Variants in PIGN observed in about 807,000 individuals in gnomAD.
PIGN encodes phosphatidylinositol glycan anchor biosynthesis class N.
In PIGN, 117 loss-of-function variants were observed where a neutral mutation model predicts 125.4. The ratio of observed to expected loss-of-function variants is 0.93; its 90% CI spans 0.80 to 1.09. The LOEUF (loss-of-function observed/expected upper bound fraction) is 1.09. Ranked by LOEUF, PIGN falls within the 50% of genes least tolerant of loss-of-function variation. The probability of loss-of-function intolerance (pLI) is 0.00; values close to 1 mark genes in which losing one functional copy is unlikely to be tolerated. For synonymous variants in PIGN, 392 were observed against 377.8 expected (o/e 1.04, Z -0.44); for missense variants, 1,075 against 1,094.9 (o/e 0.98, Z 0.26).
At chr18:62,058,885 G>A (rs368921430) in intron 30 of PIGN, 2 of 152,098 alleles carry the variant, frequency 1.3e-5, no homozygotes, top group Admixed American at 6.5e-5. Flanking sequence ...ACCAGCTCCT[G>A]AGATTAAAAT....
chr18:62,150,109 G>C (rs772183273), intron 7 of PIGN, among the ~76,000 whole-genome samples: 3 of 152,066 alleles, frequency 2.0e-5, no homozygotes, highest in Non-Finnish European at 2.9e-5. Flanking sequence ...AGCCTCCCAA[G>C]TAGCTGGGAT....
intron 14 of PIGN, among the ~76,000 whole-genome samples, chr18:62,125,481 C>T (rs929570421): frequency 4.0e-5 from 6 of 151,858 alleles, no homozygotes; most frequent in Admixed American, 1.3e-4. Flanking sequence ...ATAAGCAATC[C>T]TAGGATGAAT....
intron 1 of PIGN, among the ~76,000 whole-genome samples, chr18:62,173,305 T>G (rs1013590918): frequency 2.6e-5 from 4 of 152,158 alleles, no homozygotes; most frequent in African/African-American, 9.7e-5. Context: ...CAGGCTGGAG[T>G]GCAACAGCAC....
rs187740088 is a variant in PIGN, at chr18:62,083,700, T to C, written c.2502+831A>G. On this transcript the variant is annotated intron_variant, in intron 27 of 30. Transcript: ENST00000640252. ...TTAATAAACTGGGAAAAAAAACCAT[T>C]TAAAAAATGTGAGTGAAAATTAAGG... is the stretch of plus-strand genomic sequence containing the variant. Among the ~76,000 whole-genome samples, 31 of 152,188 alleles carry C rather than the reference T, an allele frequency of 2.0e-4. No homozygotes were observed. In the East Asian group the frequency reaches 3.7e-3, roughly 18 times the overall value.
chr18:62,143,320 G>T lies in PIGN; in HGVS notation c.949C>A (p.Leu317Ile). 6.6e-7 allele frequency: 1 copy of T among 1,523,786 alleles called. No individual in the cohort carries two copies. Among genetic ancestry groups the T allele is most frequent in the Non-Finnish European group, 9.0e-7 (1 of 1,110,016 alleles). 94.4% of individuals were successfully genotyped at this position (1,523,786 alleles called of 1,614,324 possible). ...KEWRLENWKRLDVNQADIAPL... is the reference protein window; with the variant it reads ...KEWRLENWKRIDVNQADIAPL... ...GAACTGGATACCTGATTGACATCTAGCCTCTTCCAATTCTCCAATCTCCAC... is the reference window on the plus strand; with the variant it reads ...GAACTGGATACCTGATTGACATCTATCCTCTTCCAATTCTCCAATCTCCAC... Residue 317 changes from leucine to isoleucine, a missense_variant, in exon 11 of 31, where the codon CTA becomes ATA. By Grantham distance (5) the Leu-to-Ile change is conservative. Around this residue, in one of 3 missense-constraint regions of PIGN, gnomAD observed 915 missense variants for 908.7 expected, o/e 1.01. Transcript: ENST00000640252.
chr18:62,115,177 T>C (rs1195369766), intron 14 of PIGN, among the ~76,000 whole-genome samples: 1 of 152,218 alleles, frequency 6.6e-6, no homozygotes, highest in Non-Finnish European at 1.5e-5. Context: ...TATACCTTCT[T>C]CGTTCCTCTT....
At chr18:62,184,804 A>C (rs973595574) in intron 1 of PIGN, 1 of 152,212 alleles carries the variant, frequency 6.6e-6, no homozygotes, top group Non-Finnish European at 1.5e-5. Flanking sequence ...TTTTATTTTT[A>C]AACACTTGTC....
At chr18:62,168,564 T>G (rs1371173148) in intron 1 of PIGN, among the ~76,000 whole-genome samples, 1 of 152,190 alleles carries the variant, frequency 6.6e-6, no homozygotes, top group African/African-American at 2.4e-5. Context: ...AATACTTCAG[T>G]GTTTACTTCC....
intron 14 of PIGN, among the ~76,000 whole-genome samples, chr18:62,121,071 T>C (rs180706598): frequency 6.6e-6 from 1 of 152,312 alleles, no homozygotes; most frequent in African/African-American, 2.4e-5. Flanking sequence ...GTCCAGGCAT[T>C]GACTTTAAGG....
intron 14 of PIGN, among the ~76,000 whole-genome samples, chr18:62,132,057 T>C (rs1277341105): frequency 4.6e-5 from 7 of 152,092 alleles, no homozygotes; most frequent in Non-Finnish European, 2.9e-5. Flanking sequence ...TACACAATAG[T>C]TTGTGAAAAG....
intron 1 of PIGN, among the ~76,000 whole-genome samples, chr18:62,177,264 T>C (rs1279780041): frequency 6.6e-6 from 1 of 152,220 alleles, no homozygotes; most frequent in Non-Finnish European, 1.5e-5. Context: ...GTTCATTGAC[T>C]CTTTCTTCCA....
chr18:62,033,565 C>A (rs78605570), intron 23 of PIGN, among the ~76,000 whole-genome samples: 2,141 of 152,280 alleles, frequency 0.014, 83 homozygotes, highest in East Asian at 0.11. Flanking sequence ...GGAATTAAAT[C>A]TTTTACTTCT....
chr18:62,030,747 G>GA (rs1303140646), intron 23 of PIGN, among the ~76,000 whole-genome samples: 1 of 152,054 alleles, frequency 6.6e-6, no homozygotes, highest in Non-Finnish European at 1.5e-5. Context: ...TCAAAATGAG[G>GA]AAAAAAAGAT....
At chr18:62,064,153 G>C (rs2032368752) in intron 30 of PIGN, among the ~76,000 whole-genome samples, 1 of 152,212 alleles carries the variant, frequency 6.6e-6, no homozygotes, top group Non-Finnish European at 1.5e-5. Flanking sequence ...AATGTTTCCT[G>C]TCACTGAAGG....
At chr18:62,059,109 C>T (rs1337830264) in intron 30 of PIGN, 3 of 137,100 alleles carry the variant, frequency 2.2e-5, no homozygotes, top group African/African-American at 7.9e-5. Flanking sequence ...GGGAAGATCA[C>T]TTCAGCCTAC....
chr18:62,084,416 C>T (rs1484529334), intron 27 of PIGN, 115 bp downstream of exon 27: 7 of 629,990 alleles, frequency 1.1e-5, no homozygotes, highest in Non-Finnish European at 1.7e-5. Flanking sequence ...TCCAGTTTAG[C>T]AGTGCCAACT....
At chr18:62,068,688 C>T (rs2032667284) in intron 30 of PIGN, among the ~76,000 whole-genome samples, 1 of 152,136 alleles carries the variant, frequency 6.6e-6, no homozygotes, top group African/African-American at 2.4e-5. Flanking sequence ...CTCTCTCCTG[C>T]CTGAAATGCT....
chr18:62,088,589 A>G, intron 25 of PIGN, 167 bp downstream of exon 25: 1 of 514,630 alleles, frequency 1.9e-6, no homozygotes, highest in African/African-American at 2.0e-5. Flanking sequence ...ATACTTTTCT[A>G]TAGTTCAAAA....
intron 1 of PIGN, among the ~76,000 whole-genome samples, chr18:62,178,600 TA>T (rs36043989): frequency 0.18 from 24,998 of 139,234 alleles, 2,610 homozygotes; most frequent in Middle Eastern, 0.31. Flanking sequence ...AAGACCCACT[TA>T]AAAAAAAAAA....
Sources: gnomAD v4.1 joint callset for allele counts (sites outside exome capture counted in the v4.1 genomes callset) on GRCh38, gnomAD v4.1.1 for gene constraint, gnomAD v4.1.1 regional missense constraint, MANE v1.5 for transcripts, NCBI Gene and HGNC (gene_info 2026-07-23, HGNC 2026-07-21) for gene names.